Variants in NOVA1 observed in about 807,000 individuals in gnomAD.
NOVA1 encodes NOVA alternative splicing regulator 1, also known as RNA-binding protein Nova-1.
In NOVA1, 7 loss-of-function variants were observed where a neutral mutation model predicts 38.0. The observed-to-expected ratio is 0.18, with a 90% confidence interval of 0.10 to 0.35. NOVA1 has a LOEUF of 0.35. Ranked by LOEUF, NOVA1 falls within the 10% of genes least tolerant of loss-of-function variation. The pLI, the probability that NOVA1 is intolerant of heterozygous loss-of-function variation, is 1.00. For synonymous variants in NOVA1, 270 were observed against 232.5 expected (o/e 1.16, Z -1.47); for missense variants, 460 against 616.0 (o/e 0.75, Z 2.68).
rs972101797 is a variant in NOVA1, at chr14:26,572,155, A to G, written c.280+23255T>C. 8.5e-5 allele frequency among the ~76,000 whole-genome samples: 13 copies of G among 152,340 alleles called. No individual in the cohort carries two copies. In the East Asian group the frequency reaches 2.5e-3, roughly 29 times the overall value. ...ATTCTCTGCTACTCTGGTAGAGTCT[A>G]TATAAAGTACAGTTGTAAGTGAAAC... On this transcript the variant is annotated intron_variant, in intron 2 of 4. Coordinates refer to ENST00000539517, the MANE Select transcript of NOVA1 (RefSeq NM_002515.3).
intron 2 of NOVA1, among the ~76,000 whole-genome samples, chr14:26,505,209 A>G (rs1457676594): frequency 1.3e-5 from 2 of 152,198 alleles, no homozygotes; most frequent in Non-Finnish European, 2.9e-5. Flanking sequence ...GAATGAGCTA[A>G]ACGGTAAATT....
At chr14:26,521,037 T>A (rs1199297449) in intron 2 of NOVA1, among the ~76,000 whole-genome samples, 1 of 152,082 alleles carries the variant, frequency 6.6e-6, no homozygotes, top group Non-Finnish European at 1.5e-5. Context: ...GTAAATTCTA[T>A]CCATATCAAA....
intron 2 of NOVA1, among the ~76,000 whole-genome samples, chr14:26,580,640 T>G (rs899511685): frequency 6.6e-6 from 1 of 152,082 alleles, no homozygotes; most frequent in African/African-American, 2.4e-5. Flanking sequence ...AAACTCATTC[T>G]TATCTATAAA....
chr14:26,501,388 T>C (rs1163339941), intron 2 of NOVA1, among the ~76,000 whole-genome samples: 1 of 151,908 alleles, frequency 6.6e-6, no homozygotes, highest in African/African-American at 2.4e-5. Context: ...TTCGACTGCC[T>C]ATGAACACAT....
At chr14:26,560,577 C>T (rs1438992435) in intron 2 of NOVA1, among the ~76,000 whole-genome samples, 1 of 152,094 alleles carries the variant, frequency 6.6e-6, no homozygotes, top group Non-Finnish European at 1.5e-5. Flanking sequence ...GTATAAAATT[C>T]TATTAGCCTA....
At chr14:26,569,836 C>G (rs910066632) in intron 2 of NOVA1, among the ~76,000 whole-genome samples, 2 of 152,108 alleles carry the variant, frequency 1.3e-5, no homozygotes, top group African/African-American at 4.8e-5. Context: ...CATACTATTC[C>G]TTAGTTTATA....
At chr14:26,536,140 T>C (rs924663657) in intron 2 of NOVA1, among the ~76,000 whole-genome samples, 2 of 151,936 alleles carry the variant, frequency 1.3e-5, no homozygotes, top group Admixed American at 1.3e-4. Flanking sequence ...TCTCACTTAT[T>C]TGTGGGATCT....
At chr14:26,532,958 T>C (rs896126407) in intron 2 of NOVA1, among the ~76,000 whole-genome samples, 2 of 152,200 alleles carry the variant, frequency 1.3e-5, no homozygotes, top group African/African-American at 4.8e-5. Flanking sequence ...CTATTTTTTC[T>C]CTCCTAGCTA....
At position 26,586,074 on chromosome 14, in the gene NOVA1, C is replaced by T. The variant is rs531249445; in HGVS notation, c.280+9336G>A. On this transcript the variant is annotated intron_variant, in intron 2 of 4. Coordinates refer to ENST00000539517, the MANE Select transcript of NOVA1 (RefSeq NM_002515.3). ...AAACAATTGCGCTGTATGTTAAACA[C>T]ACAGCAGGCAAGAAGGATGCCATAA... Among the ~76,000 whole-genome samples the T allele has an allele frequency of 1.5e-4, 22 of 151,438 alleles. No individual in the cohort carries two copies. In the East Asian group the frequency reaches 4.1e-3, roughly 28 times the overall value.
chr14:26,501,824 C>A (rs527481091), intron 2 of NOVA1, among the ~76,000 whole-genome samples: 1 of 151,876 alleles, frequency 6.6e-6, no homozygotes, highest in African/African-American at 2.4e-5. Context: ...AATAATCAAT[C>A]ATAAATCAAA....
At chr14:26,498,498 C>A (rs1307748493) in intron 2 of NOVA1, among the ~76,000 whole-genome samples, 1 of 151,994 alleles carries the variant, frequency 6.6e-6, no homozygotes, top group East Asian at 1.9e-4. Context: ...AATCAACTGA[C>A]AAGAATATTC....
chr14:26,489,435 T>C (rs1886159512), intron 2 of NOVA1, among the ~76,000 whole-genome samples: 1 of 152,018 alleles, frequency 6.6e-6, no homozygotes, highest in Non-Finnish European at 1.5e-5. Flanking sequence ...GTGGGAGAAG[T>C]AATATAGGAG....
chr14:26,462,005 A>C (rs1363226080), intron 4 of NOVA1, among the ~76,000 whole-genome samples: 1 of 152,088 alleles, frequency 6.6e-6, no homozygotes, highest in Non-Finnish European at 1.5e-5. Flanking sequence ...AATCTCTAAG[A>C]GAACCTCTAA....
At chr14:26,480,332 T>C (rs1885360359) in intron 2 of NOVA1, among the ~76,000 whole-genome samples, 189 bp from the exon 3 acceptor site, 1 of 152,164 alleles carries the variant, frequency 6.6e-6, no homozygotes, top group African/African-American at 2.4e-5. Context: ...GTTCTAGTTG[T>C]TTTGGTCTCA....
intron 4 of NOVA1, 38 bp downstream of exon 4, chr14:26,472,282 G>A (rs369041166): frequency 1.8e-5 from 23 of 1,295,940 alleles, no homozygotes; most frequent in South Asian, 3.6e-5. Context: ...GCAATCACCC[G>A]TGAAAAGTAT....
intron 2 of NOVA1, among the ~76,000 whole-genome samples, chr14:26,584,200 T>G (rs1300518521): frequency 4.0e-5 from 6 of 151,294 alleles, no homozygotes. Context: ...CAACTCACAT[T>G]TCTTAACATC....
intron 2 of NOVA1, among the ~76,000 whole-genome samples, chr14:26,517,571 GTAGA>G (rs1888563616): frequency 6.6e-6 from 1 of 152,054 alleles, no homozygotes; most frequent in Non-Finnish European, 1.5e-5. Flanking sequence ...GTATAATATA[GTAGA>G]TAGAATACAA....
At chr14:26,463,990 T>C (rs938764236) in intron 4 of NOVA1, among the ~76,000 whole-genome samples, 42 of 152,150 alleles carry the variant, frequency 2.8e-4, no homozygotes, top group African/African-American at 9.2e-4. Context: ...GCGAGGTAGG[T>C]AGTCACATTT....
At chr14:26,470,715 A>T (rs1469208538) in intron 4 of NOVA1, among the ~76,000 whole-genome samples, 1 of 152,126 alleles carries the variant, frequency 6.6e-6, no homozygotes, top group East Asian at 1.9e-4. Flanking sequence ...ACAAGTTCAT[A>T]TAAGAATAAA....
Sources: gnomAD v4.1 joint callset for allele counts (sites outside exome capture counted in the v4.1 genomes callset) on GRCh38, gnomAD v4.1.1 for gene constraint, MANE v1.5 for transcripts, NCBI Gene and HGNC (gene_info 2026-07-23, HGNC 2026-07-21) for gene names.